The following FBN1 variants were observed in gnomAD, a reference collection of about 807,000 sequenced individuals.
The protein encoded by FBN1 is fibrillin 1.
FBN1 carries 29 observed loss-of-function variants against 365.1 expected under a neutral mutation model. The ratio of observed to expected loss-of-function variants is 0.08; its 90% CI spans 0.06 to 0.11. The LOEUF is 0.11. FBN1 is among the 10% of genes least tolerant of loss of function. The pLI, the probability that FBN1 is intolerant of heterozygous loss-of-function variation, is 1.00. For missense variants in FBN1, 2,476 were observed against 3,703.2 expected (o/e 0.67, Z 8.60); for synonymous variants, 1,210 against 1,270.5 (o/e 0.95, Z 1.01).
chr15:48,643,337 C>T (rs1024561726), intron 2 of FBN1: 1 of 152,198 alleles, frequency 6.6e-6, no homozygotes, highest in Non-Finnish European at 1.5e-5. Flanking sequence ...GGTTTATTTT[C>T]CACGAAGGCC....
rs1364766064 is a variant in FBN1, at chr15:48,428,354, T to C, written c.6989A>G (p.Glu2330Gly). Residue 2330 changes from glutamate to glycine, a missense_variant, in exon 57 of 66, where the codon GAG becomes GGG. Physicochemically the swap from Glu to Gly is moderately conservative, Grantham distance 98 (BLOSUM62 -2). Coordinates refer to ENST00000316623, the MANE Select transcript of FBN1 (RefSeq NM_000138.5). Reference protein sequence around the residue: ...DGFTASPNQDECLDNREGYCF... With the variant: ...DGFTASPNQDGCLDNREGYCF... ...GTGCCAACTGTACTCACCAAGGCACTCGTCCTGGTTGGGGCTGGCGGTAAA... is the reference window on the plus strand; with the variant it reads ...GTGCCAACTGTACTCACCAAGGCACCCGTCCTGGTTGGGGCTGGCGGTAAA... The C allele has an allele frequency of 1.2e-6, 2 of 1,613,998 alleles. No individual in the cohort carries two copies. The highest frequency in any genetic ancestry group is 1.7e-6 in the Non-Finnish European group (2 of 1,180,008).
At chr15:48,606,125 A>G (rs2044606470) in intron 4 of FBN1, among the ~76,000 whole-genome samples, 3 of 152,214 alleles carry the variant, frequency 2.0e-5, no homozygotes, top group Admixed American at 2.0e-4. Context: ...ACTGCTGGTG[A>G]GAATGCAAAA....
chr15:48,508,773 GA>G, intron 14 of FBN1, 69 bp from the exon 15 acceptor site: 1 of 1,568,634 alleles, frequency 6.4e-7, no homozygotes, highest in South Asian at 1.1e-5. Context: ...CAATCTGGAT[GA>G]AAATAATTCT....
Position 48,537,938 on chromosome 15 carries a change from C to G in FBN1, c.539-130G>C, listed in dbSNP as rs147780575. ...ATTTCAGGGACAGAATCATGCATCA[C>G]TGTCCCTGTGTAAGGCCTTGGATAG... On this transcript the variant is annotated intron_variant, in intron 6 of 65. Transcript: ENST00000316623. The G allele has an allele frequency of 4.9e-3, 4,617 of 948,372 alleles. 19 individuals are homozygous for G. Among genetic ancestry groups the G allele is most frequent in the Non-Finnish European group, 6.5e-3 (3,960 of 605,586 alleles). The allele number at this position is 948,372 out of a possible 1,614,324, so 58.7% of individuals were successfully genotyped here. A position where few individuals can be genotyped will look rare whatever the true frequency, so the allele number is the denominator to read the frequency against.
chr15:48,595,461 A>G (rs2044509091), intron 6 of FBN1, among the ~76,000 whole-genome samples: 1 of 152,204 alleles, frequency 6.6e-6, no homozygotes, highest in South Asian at 2.1e-4. Flanking sequence ...AAATCTATAA[A>G]TGTAGAGACA....
intron 8 of FBN1, chr15:48,529,807 CTATTT>C (rs2043952380): frequency 6.5e-6 from 1 of 153,050 alleles, no homozygotes; most frequent in African/African-American, 2.4e-5. Context: ...GTCAGCCATA[CTATTT>C]TATAGTCACA....
At chr15:48,445,158 A>ACACATATATATATG (rs1491550725) in intron 48 of FBN1, among the ~76,000 whole-genome samples, 3 of 140,108 alleles carry the variant, frequency 2.1e-5, no homozygotes, top group Non-Finnish European at 3.1e-5. Context: ...ATATATATAC[A>ACACATATATATATG]TATATATATA....
At position 48,452,573 on chromosome 15, in the gene FBN1, C is replaced by T. The variant is rs2043209222; in HGVS notation, c.5534G>A (p.Gly1845Glu). 2 of 1,614,004 alleles carry T rather than the reference C, an allele frequency of 1.2e-6. No homozygotes were observed. Among genetic ancestry groups the T allele is most frequent in the Non-Finnish European group, 1.7e-6 (2 of 1,180,004 alleles). The change falls in exon 45 of 66, where the codon GGA becomes GAA. Residue 1845 changes from glycine to glutamate, a missense_variant. Physicochemically the swap from Gly to Glu is moderately conservative, Grantham distance 98. Transcript: ENST00000316623. Reference sequence around the variant, plus strand: ...GGGGCACTACATACCATTGCACTGTCCTGTGGAGGTGAAGCGGTAGCCGGG... The same window carrying T: ...GGGGCACTACATACCATTGCACTGTTCTGTGGAGGTGAAGCGGTAGCCGGG... ...CKPGYRFTSTGQCNDRNECQE... is the reference protein window; with the variant it reads ...CKPGYRFTSTEQCNDRNECQE...
At chr15:48,543,919 C>A (rs1175139444) in intron 6 of FBN1, among the ~76,000 whole-genome samples, 2 of 151,630 alleles carry the variant, frequency 1.3e-5, no homozygotes, top group Non-Finnish European at 2.9e-5. Flanking sequence ...AATAATTCAG[C>A]AATGTAAATA....
intron 6 of FBN1, among the ~76,000 whole-genome samples, chr15:48,566,152 C>T (rs1420549491): frequency 2.6e-5 from 4 of 152,174 alleles, no homozygotes; most frequent in South Asian, 4.1e-4. Flanking sequence ...CAGAATCACA[C>T]TAATATGTGC....
At chr15:48,565,909 G>A (rs548439689) in intron 6 of FBN1, among the ~76,000 whole-genome samples, 1 of 152,298 alleles carries the variant, frequency 6.6e-6, no homozygotes, top group South Asian at 2.1e-4. Context: ...ATTTGAGCCT[G>A]AGGAATTAAA....
chr15:48,522,156 A>G (rs1223918839), intron 9 of FBN1, among the ~76,000 whole-genome samples: 1 of 152,186 alleles, frequency 6.6e-6, no homozygotes, highest in Non-Finnish European at 1.5e-5. Context: ...TCACCCTCAG[A>G]TGGGACCATC....
intron 6 of FBN1, among the ~76,000 whole-genome samples, chr15:48,553,001 G>A (rs1373738659): frequency 3.9e-5 from 6 of 152,028 alleles, no homozygotes; most frequent in Admixed American, 3.3e-4. Context: ...GATCATCTCC[G>A]TTAATCCACT....
At chr15:48,633,617 G>C (rs1890032127) in intron 2 of FBN1, among the ~76,000 whole-genome samples, 1 of 152,106 alleles carries the variant, frequency 6.6e-6, no homozygotes, top group African/African-American at 2.4e-5. Flanking sequence ...CTGAGAGCAG[G>C]GTAGTACTGA....
At chr15:48,508,738 A>C in intron 14 of FBN1, 34 bp from the exon 15 acceptor site, 1 of 1,612,226 alleles carries the variant, frequency 6.2e-7, no homozygotes, top group Middle Eastern at 1.7e-4. Flanking sequence ...TCTTATGACC[A>C]GAAGAGTAAG....
chr15:48,438,656 G>A (rs1349689120), intron 50 of FBN1, among the ~76,000 whole-genome samples: 2 of 151,440 alleles, frequency 1.3e-5, no homozygotes, highest in East Asian at 3.9e-4. Flanking sequence ...AGGGCTGTGG[G>A]TGGGTGGGAA....
intron 6 of FBN1, among the ~76,000 whole-genome samples, chr15:48,572,834 A>G (rs1485590085): frequency 6.6e-6 from 1 of 152,198 alleles, no homozygotes; most frequent in Admixed American, 6.5e-5. Flanking sequence ...AAATGTTGAC[A>G]TTTGTTAATA....
chr15:48,437,108 C>T (rs1198801489), intron 52 of FBN1, 31 bp from the exon 53 acceptor site: 7 of 1,446,158 alleles, frequency 4.8e-6, no homozygotes, highest in Non-Finnish European at 5.8e-6. Context: ...TAGTGAATAA[C>T]AAGGTATTTT....
At chr15:48,590,439 AAT>A (rs1345825118) in intron 6 of FBN1, among the ~76,000 whole-genome samples, 2 of 152,242 alleles carry the variant, frequency 1.3e-5, no homozygotes, top group Non-Finnish European at 2.9e-5. Flanking sequence ...GGATTTATAT[AAT>A]ATGTGTTTAT....
Sources: gnomAD v4.1 joint callset for allele counts (sites outside exome capture counted in the v4.1 genomes callset) on GRCh38, gnomAD v4.1.1 for gene constraint, MANE v1.5 for transcripts, NCBI Gene and HGNC (gene_info 2026-07-23, HGNC 2026-07-21) for gene names.